Variants in CACNA2D3 observed in about 807,000 individuals in gnomAD.
CACNA2D3 encodes the protein calcium voltage-gated channel auxiliary subunit alpha2delta 3.
In CACNA2D3, 60 loss-of-function variants were observed where a neutral mutation model predicts 160.6. That is an observed-to-expected ratio of 0.37 (90% CI 0.30 to 0.46). The LOEUF (loss-of-function observed/expected upper bound fraction) is 0.46, where lower values mean the gene tolerates loss of function less well. Among genes scored for constraint, CACNA2D3 ranks in the 20% least tolerant of loss-of-function variants. The pLI, the probability that CACNA2D3 is intolerant of heterozygous loss-of-function variation, is 1.00. For missense variants in CACNA2D3, 1,205 were observed against 1,365.0 expected (o/e 0.88, Z 1.85); for synonymous variants, 558 against 492.9 (o/e 1.13, Z -1.75).
intron 31 of CACNA2D3, among the ~76,000 whole-genome samples, chr3:54,991,887 G>T (rs1702751107): frequency 6.6e-6 from 1 of 152,188 alleles, no homozygotes; most frequent in Non-Finnish European, 1.5e-5. Context: ...CAGGAGATAA[G>T]AATACCTTTT....
chr3:54,540,821 G>A (rs1461336412), intron 5 of CACNA2D3, among the ~76,000 whole-genome samples: 1 of 152,078 alleles, frequency 6.6e-6, no homozygotes, highest in African/African-American at 2.4e-5. Flanking sequence ...ATTATTGTAG[G>A]TATCCCCACA....
intron 4 of CACNA2D3, among the ~76,000 whole-genome samples, chr3:54,498,105 T>C (rs1042440841): frequency 5.9e-5 from 9 of 151,686 alleles, no homozygotes; most frequent in Non-Finnish European, 1.3e-4. Context: ...TTAAATTAGA[T>C]AGGAAGTATT....
At chr3:54,334,648 T>C (rs1704335501) in intron 3 of CACNA2D3, among the ~76,000 whole-genome samples, 1 of 152,176 alleles carries the variant, frequency 6.6e-6, no homozygotes, top group Admixed American at 6.5e-5. Flanking sequence ...TCCCTCAGAC[T>C]AGCCCCAAGC....
At chr3:54,248,135 G>A (rs776448592) in intron 2 of CACNA2D3, among the ~76,000 whole-genome samples, 2 of 152,152 alleles carry the variant, frequency 1.3e-5, no homozygotes, top group Non-Finnish European at 2.9e-5. Flanking sequence ...TATATGTGGA[G>A]ATAGGGTCTT....
intron 13 of CACNA2D3, among the ~76,000 whole-genome samples, chr3:54,813,793 G>GA (rs947879192): frequency 6.7e-6 from 1 of 149,114 alleles, no homozygotes; most frequent in Non-Finnish European, 1.5e-5. Context: ...CAGAACTATA[G>GA]AAAAAAAGCG....
chr3:54,200,127 T>C (rs1004683653), intron 2 of CACNA2D3, among the ~76,000 whole-genome samples: 1 of 152,336 alleles, frequency 6.6e-6, no homozygotes, highest in African/African-American at 2.4e-5. Flanking sequence ...TACCATGACC[T>C]TGGCACATCA....
At chr3:54,358,503 A>G (rs1297295049) in intron 3 of CACNA2D3, among the ~76,000 whole-genome samples, 2 of 152,170 alleles carry the variant, frequency 1.3e-5, no homozygotes, top group Non-Finnish European at 2.9e-5. Context: ...TCATCTGTAA[A>G]ATTAGGATGA....
chr3:54,253,933 AATTTTTGTATTT>A (rs1702245655), intron 2 of CACNA2D3, among the ~76,000 whole-genome samples: 2 of 151,650 alleles, frequency 1.3e-5, no homozygotes, highest in Admixed American at 1.3e-4. Context: ...ACGCCTGGCT[AATTTTTGTATTT>A]TAGTAGAGAT....
At chr3:54,860,297 T>G (rs955345276) in intron 17 of CACNA2D3, among the ~76,000 whole-genome samples, 3 of 152,190 alleles carry the variant, frequency 2.0e-5, no homozygotes, top group African/African-American at 7.2e-5. Context: ...TTTAGAAATG[T>G]ATCCTGAATA....
intron 3 of CACNA2D3, among the ~76,000 whole-genome samples, chr3:54,321,565 C>T (rs1198676559): frequency 6.6e-6 from 1 of 152,176 alleles, no homozygotes; most frequent in Non-Finnish European, 1.5e-5. Context: ...TATATGTACT[C>T]ACTTGTATTA....
intron 2 of CACNA2D3, among the ~76,000 whole-genome samples, chr3:54,196,679 C>T (rs538590604): frequency 3.9e-5 from 6 of 152,246 alleles, no homozygotes; most frequent in South Asian, 2.1e-4. Context: ...ATTTAAATTG[C>T]GTTTTCTGTA....
chr3:54,933,047 CCCTCCCTTCCTTCCTTCCTT>C (rs1389842880), intron 27 of CACNA2D3, among the ~76,000 whole-genome samples: 6 of 135,174 alleles, frequency 4.4e-5, no homozygotes, highest in South Asian at 2.2e-4. Flanking sequence ...ATCCATCCAT[CCCTCCCTTCCTTCCTTCCTT>C]CCTTCCTTCC....
chr3:54,662,779 T>A (rs1051666601), intron 11 of CACNA2D3, among the ~76,000 whole-genome samples: 1 of 152,208 alleles, frequency 6.6e-6, no homozygotes, highest in Admixed American at 6.5e-5. Context: ...AAGGGAAATA[T>A]CTTCTCAGTG....
chr3:54,965,232 T>C (rs747161490), intron 27 of CACNA2D3, among the ~76,000 whole-genome samples: 37 of 126,914 alleles, frequency 2.9e-4, no homozygotes, highest in Non-Finnish European at 2.7e-4. Context: ...ATTGGACCAA[T>C]CTCTGGCCTA....
chr3:54,303,405 G>C (rs146114914), intron 2 of CACNA2D3, among the ~76,000 whole-genome samples: 13 of 152,258 alleles, frequency 8.5e-5, no homozygotes, highest in African/African-American at 3.1e-4. Flanking sequence ...TTGTTGGTTT[G>C]TTTACTAAGA....
chr3:54,956,291 C>G (rs1701890699), intron 27 of CACNA2D3, among the ~76,000 whole-genome samples: 1 of 152,198 alleles, frequency 6.6e-6, no homozygotes, highest in African/African-American at 2.4e-5. Context: ...CTTGGCTGTT[C>G]CTGGTGTAGT....
intron 4 of CACNA2D3, among the ~76,000 whole-genome samples, chr3:54,387,768 A>C (rs1162446685): frequency 6.6e-6 from 1 of 152,254 alleles, no homozygotes; most frequent in Admixed American, 6.5e-5. Flanking sequence ...CCTCACCACT[A>C]GGAAAACAGA....
chr3:54,546,355 C>G (rs1183621616), intron 5 of CACNA2D3, among the ~76,000 whole-genome samples: 1 of 152,086 alleles, frequency 6.6e-6, no homozygotes, highest in African/African-American at 2.4e-5. Context: ...GTGTTTGGTT[C>G]CTTATATTGG....
chr3:54,340,763 T>C (rs1057401481), intron 3 of CACNA2D3, among the ~76,000 whole-genome samples: 2 of 152,182 alleles, frequency 1.3e-5, no homozygotes, highest in Non-Finnish European at 2.9e-5. Context: ...GCATCCACTA[T>C]TCTACTTCCT....
Sources: allele counts gnomAD v4.1 joint callset (sites outside exome capture counted in the v4.1 genomes callset), GRCh38; gene constraint gnomAD v4.1.1; transcripts MANE v1.5; gene names NCBI Gene and HGNC (gene_info 2026-07-23, HGNC 2026-07-21).